Variants in CCDC14 observed in about 807,000 individuals in gnomAD.
CCDC14 encodes the protein coiled-coil domain-containing protein 14.
In CCDC14, 71 loss-of-function variants were observed where a neutral mutation model predicts 81.4. The observed-to-expected ratio is 0.87, with a 90% CI of 0.72 to 1.06. CCDC14 has a LOEUF of 1.06. Ranked by LOEUF, CCDC14 falls within the 50% of genes least tolerant of loss-of-function variation. The pLI, the probability that CCDC14 is intolerant of heterozygous loss-of-function variation, is 0.00. For synonymous variants in CCDC14, 332 were observed against 364.8 expected (o/e 0.91, Z 1.03); for missense variants, 1,046 against 1,047.3 (o/e 1.00, Z 0.02).
intron 12 of CCDC14, among the ~76,000 whole-genome samples, chr3:123,919,596 C>T (rs961534516): frequency 2.0e-5 from 3 of 152,220 alleles, no homozygotes; most frequent in Admixed American, 1.3e-4. Context: ...TGACGGAGCA[C>T]AGCCATTGGT....
chr3:123,886,767 G>A, the CCDC14 span, among the ~76,000 whole-genome samples: 1 of 152,132 alleles, frequency 6.6e-6, no homozygotes, highest in South Asian at 2.1e-4. Context: ...TTGTTACTAG[G>A]TTGGTAACTG....
intron 5 of CCDC14, among the ~76,000 whole-genome samples, chr3:123,898,746 G>T (rs138332753): frequency 3.3e-5 from 5 of 152,248 alleles, no homozygotes; most frequent in African/African-American, 1.2e-4. Flanking sequence ...AGAGTGCAGC[G>T]GCACAATCTT....
At position 123,947,058 on chromosome 3, in the gene CCDC14, C is replaced by A. The variant is rs771611549; in HGVS notation, c.946G>T (p.Glu316Ter). 2 of 1,613,858 alleles carry A rather than the reference C, an allele frequency of 1.2e-6. No homozygotes were observed. The highest frequency in any genetic ancestry group is 2.7e-5 in the African/African-American group (2 of 74,922). ...YLSLFRSHGK[E>*]THLDSQTHRS... ...TGTGTCTGACTGTCCAGATGCGTTT[C>A]TTTTCCATGAGATCGAAAAAGAGAC... Residue 316 changes from glutamate (E) to a stop codon, truncating the protein, a stop_gained, in exon 8 of 13, where the codon GAA (glutamate) becomes TAA (stop). Coordinates refer to ENST00000409697, the MANE Select transcript of CCDC14 (RefSeq NM_001366335.1). LOFTEE classifies it high-confidence loss of function.
chr3:123,925,142 A>C (rs200045218), intron 12 of CCDC14, among the ~76,000 whole-genome samples: 10 of 150,580 alleles, frequency 6.6e-5, no homozygotes, highest in South Asian at 6.3e-4. Flanking sequence ...TAAAAAAAAA[A>C]CAAAAAAAAA....
chr3:123,930,429 C>T (rs1447452505), intron 12 of CCDC14, among the ~76,000 whole-genome samples: 3 of 152,138 alleles, frequency 2.0e-5, no homozygotes, highest in Non-Finnish European at 2.9e-5. Context: ...ACTGACTTCT[C>T]GCCTAGAACT....
chr3:123,928,119 TTA>T (rs749564916), intron 12 of CCDC14, among the ~76,000 whole-genome samples: 3 of 152,106 alleles, frequency 2.0e-5, no homozygotes, highest in African/African-American at 4.8e-5. Flanking sequence ...AAGATTTTTC[TTA>T]TGTTTTTGTT....
chr3:123,956,805 A>G lies in CCDC14; in HGVS notation c.31-10T>C. 4 of 1,492,748 alleles carry G rather than the reference A, an allele frequency of 2.7e-6. No individual in the cohort carries two copies. Among genetic ancestry groups the G allele is most frequent in the Non-Finnish European group, 3.6e-6 (4 of 1,099,092 alleles). 92.5% of individuals were successfully genotyped at this position (1,492,748 alleles called of 1,614,324 possible). On this transcript the variant is annotated splice_polypyrimidine_tract_variant and intron_variant, in intron 1 of 12. Transcript: ENST00000409697. ...TTCCTGAAGATAACACCTATGACAT[A>G]ATATATTATAGCAGATAAACAAATA...
intron 2 of CCDC14, 128 bp from the exon 3 acceptor site, chr3:123,956,555 T>C (rs2037338520): frequency 2.6e-6 from 2 of 772,182 alleles, no homozygotes; most frequent in Admixed American, 2.9e-5. Context: ...TATAAACACA[T>C]TCTGAAGATC....
chr3:123,932,080 A>T (rs2035756292), intron 10 of CCDC14, among the ~76,000 whole-genome samples: 2 of 152,190 alleles, frequency 1.3e-5, no homozygotes, highest in Admixed American at 1.3e-4. Context: ...CCATTTGTTG[A>T]GCAAATACAT....
At chr3:123,907,103 G>T (rs1412672500) in intron 5 of CCDC14, among the ~76,000 whole-genome samples, 1 of 151,994 alleles carries the variant, frequency 6.6e-6, no homozygotes, top group Non-Finnish European at 1.5e-5. Context: ...CCTGATAAGT[G>T]GTTTTAGTTT....
Position 123,956,027 on chromosome 3 carries a change from A to T in CCDC14, c.229+19T>A, listed in dbSNP as rs1246905947. 1 of 1,536,314 alleles carries T rather than the reference A, an allele frequency of 6.5e-7. No homozygotes were observed. The highest frequency in any genetic ancestry group is 1.3e-5 in the South Asian group (1 of 79,662). On this transcript the variant is annotated intron_variant, in intron 4 of 12. Transcript: ENST00000409697. ...TGACTTGAGATAAGGTGATCAGCAA[A>T]GAATTAAAAAAAAAAAACCTGAATC...
intron 2 of CCDC14, 156 bp from the exon 3 acceptor site, chr3:123,956,583 C>T: frequency 4.0e-6 from 3 of 743,386 alleles, no homozygotes; most frequent in South Asian, 3.9e-5. Context: ...CTGTTAAATA[C>T]TAAAATGATT....
intron 9 of CCDC14, among the ~76,000 whole-genome samples, chr3:123,942,502 A>T (rs1164239340): frequency 1.3e-5 from 2 of 152,044 alleles, no homozygotes; most frequent in Non-Finnish European, 2.9e-5. Flanking sequence ...CCTCTAGACA[A>T]AGAATCCTAA....
the CCDC14 span, among the ~76,000 whole-genome samples, chr3:123,890,546 C>T: frequency 4.6e-5 from 7 of 152,138 alleles, no homozygotes; most frequent in East Asian, 1.9e-4. Context: ...CATGCAAGTC[C>T]GAAATCCAGC....
chr3:123,929,743 G>C (rs1295730454), intron 12 of CCDC14, among the ~76,000 whole-genome samples: 2 of 152,130 alleles, frequency 1.3e-5, no homozygotes, highest in African/African-American at 4.8e-5. Flanking sequence ...CCCATTAGCA[G>C]TCATTTCCCA....
At chr3:123,900,920 T>C (rs2034164932) in intron 5 of CCDC14, among the ~76,000 whole-genome samples, 1 of 152,024 alleles carries the variant, frequency 6.6e-6, no homozygotes, top group African/African-American at 2.4e-5. Flanking sequence ...GAATAGCTAG[T>C]AAAACTATAA....
At position 123,946,794 on chromosome 3, in the gene CCDC14, C is replaced by T; in HGVS notation, c.1201+9G>A. 1 of 1,606,534 alleles carries T rather than the reference C, an allele frequency of 6.2e-7. No homozygotes were observed. Among genetic ancestry groups the T allele is most frequent in the Non-Finnish European group, 8.5e-7 (1 of 1,176,636 alleles). On this transcript the variant is annotated intron_variant, in intron 8 of 12. Transcript: ENST00000409697. ...CACCATACTACAGAAAGTTATAAGT[C>T]CCATCTACCTTGTTCTGCTACCAGG...
the CCDC14 span, among the ~76,000 whole-genome samples, chr3:123,890,416 T>C: frequency 6.6e-6 from 1 of 152,314 alleles, no homozygotes; most frequent in East Asian, 1.9e-4. Context: ...CTTCCACCTA[T>C]AAACCTGTAA....
intron 5 of CCDC14, among the ~76,000 whole-genome samples, chr3:123,951,569 C>T (rs2037023255): frequency 1.3e-5 from 2 of 152,192 alleles, no homozygotes; most frequent in South Asian, 4.1e-4. Flanking sequence ...CCATGGCCAT[C>T]TAGCATACCA....
Sources: gnomAD v4.1 joint callset for allele counts (sites outside exome capture counted in the v4.1 genomes callset) on GRCh38, gnomAD v4.1.1 for gene constraint, MANE v1.5 for transcripts, NCBI Gene and HGNC (gene_info 2026-07-23, HGNC 2026-07-21) for gene names.